The following NBAS variants were observed in gnomAD, a reference collection of about 807,000 sequenced individuals.
NBAS encodes NAG/BC035112 fusion.
In NBAS, 219 loss-of-function variants were observed where a neutral mutation model predicts 302.5. That is an observed-to-expected ratio of 0.72 (90% confidence interval 0.65 to 0.81). The LOEUF is 0.81. NBAS is among the 30% of genes least tolerant of loss of function. The pLI is 0.00. For missense variants in NBAS, 2,932 were observed against 2,841.6 expected (o/e 1.03, Z -0.72); for synonymous variants, 1,118 against 1,021.6 (o/e 1.09, Z -1.80).
chr2:15,376,366 G>A (rs766646745), intron 30 of NBAS, among the ~76,000 whole-genome samples: 3 of 152,040 alleles, frequency 2.0e-5, no homozygotes, highest in South Asian at 2.1e-4. Flanking sequence ...TAGAAGGACC[G>A]GCTTTTTAAA....
the NBAS span, among the ~76,000 whole-genome samples, chr2:15,097,001 G>A: frequency 6.6e-6 from 1 of 152,192 alleles, no homozygotes; most frequent in Non-Finnish European, 1.5e-5. Context: ...AAAGAGAAAT[G>A]CAGGAATGTG....
chr2:15,047,959 G>A, the NBAS span, among the ~76,000 whole-genome samples: 1 of 152,382 alleles, frequency 6.6e-6, no homozygotes, highest in South Asian at 2.1e-4. Context: ...TGCTTTGGCT[G>A]GTGCCTGGCT....
the NBAS span, among the ~76,000 whole-genome samples, chr2:14,896,448 T>C: frequency 6.6e-6 from 1 of 152,180 alleles, no homozygotes; most frequent in South Asian, 2.1e-4. Context: ...TTCTCCCTCC[T>C]ACGCCCCCAC....
intron 21 of NBAS, among the ~76,000 whole-genome samples, chr2:15,430,304 C>T (rs1416065811): frequency 6.6e-6 from 1 of 152,126 alleles, no homozygotes; most frequent in East Asian, 1.9e-4. Context: ...TTCACATTTG[C>T]TGCATTTTCA....
chr2:15,401,261 A>G (rs1158299173), intron 26 of NBAS, among the ~76,000 whole-genome samples: 1 of 152,204 alleles, frequency 6.6e-6, no homozygotes, highest in Admixed American at 6.5e-5. Flanking sequence ...GGTAGATTGC[A>G]AAATTGGTGA....
rs576831348 is a variant in NBAS at position 15,380,083 on chromosome 2, A to C, written c.3361-252T>G. ...AAAGAATAATTTCATTGACTAAACCAAAATTAAGCATAATATTTTAATTTA... is the reference window on the plus strand; with the variant it reads ...AAAGAATAATTTCATTGACTAAACCCAAATTAAGCATAATATTTTAATTTA... On this transcript the variant is annotated intron_variant, in intron 29 of 51. Coordinates refer to ENST00000281513, the MANE Select transcript of NBAS (RefSeq NM_015909.4). 3.9e-5 allele frequency among the ~76,000 whole-genome samples: 6 copies of C among 152,332 alleles called. No individual in the cohort carries two copies. In the South Asian group the frequency reaches 1.2e-3, roughly 32 times the overall value.
At chr2:14,802,805 C>T in the NBAS span, among the ~76,000 whole-genome samples, 3 of 140,536 alleles carry the variant, frequency 2.1e-5, no homozygotes, top group Non-Finnish European at 4.5e-5. Flanking sequence ...AACCAAACAC[C>T]ACATATTCTC....
chr2:15,349,691 C>G (rs551688847), intron 35 of NBAS, among the ~76,000 whole-genome samples: 1 of 152,116 alleles, frequency 6.6e-6, no homozygotes, highest in Admixed American at 6.5e-5. Flanking sequence ...CAGTGGTTCA[C>G]GCCTGTATTC....
At chr2:14,929,626 C>G in the NBAS span, among the ~76,000 whole-genome samples, 1 of 152,316 alleles carries the variant, frequency 6.6e-6, no homozygotes, top group Non-Finnish European at 1.5e-5. Context: ...GATCTGCCTG[C>G]CTTGGCCTCC....
chr2:14,952,322 C>A, the NBAS span, among the ~76,000 whole-genome samples: 1 of 152,348 alleles, frequency 6.6e-6, no homozygotes, highest in African/African-American at 2.4e-5. Flanking sequence ...TTCCTCCTGT[C>A]TTTTTTCTTT....
chr2:14,918,311 G>T, the NBAS span, among the ~76,000 whole-genome samples: 2 of 77,284 alleles, frequency 2.6e-5, no homozygotes, highest in African/African-American at 9.1e-5. Flanking sequence ...AGAAATCCAT[G>T]CAAAAAAAAA....
chr2:14,794,290 T>C, the NBAS span, among the ~76,000 whole-genome samples: 2 of 152,232 alleles, frequency 1.3e-5, no homozygotes, highest in Non-Finnish European at 2.9e-5. Flanking sequence ...CCTAAAATGA[T>C]TGAGATTTAG....
chr2:15,135,422 T>C, the NBAS span, among the ~76,000 whole-genome samples: 2 of 152,166 alleles, frequency 1.3e-5, no homozygotes, highest in Admixed American at 6.6e-5. Context: ...GGCTCATTGG[T>C]GGCACTCAGT....
At chr2:15,060,705 G>A in the NBAS span, among the ~76,000 whole-genome samples, 1 of 152,120 alleles carries the variant, frequency 6.6e-6, no homozygotes, top group East Asian at 1.9e-4. Context: ...TCTCGTGGGT[G>A]ATTTAAAACT....
At chr2:15,097,923 T>A in the NBAS span, among the ~76,000 whole-genome samples, 1 of 53,156 alleles carries the variant, frequency 1.9e-5, no homozygotes, top group African/African-American at 7.2e-5. Flanking sequence ...TATTATATAT[T>A]ATATATATTA....
At chr2:15,491,628 T>C (rs1186791682) in intron 11 of NBAS, among the ~76,000 whole-genome samples, 1 of 151,754 alleles carries the variant, frequency 6.6e-6, no homozygotes, top group Non-Finnish European at 1.5e-5. Context: ...CCCAACTACT[T>C]GGGAGGCTGA....
At chr2:15,259,353 T>C (rs1668749517) in intron 44 of NBAS, among the ~76,000 whole-genome samples, 1 of 152,170 alleles carries the variant, frequency 6.6e-6, no homozygotes, top group Admixed American at 6.5e-5. Flanking sequence ...TGACCAAATT[T>C]TAGCAGGGCT....
chr2:15,143,007 T>C, the NBAS span, among the ~76,000 whole-genome samples: 4 of 152,338 alleles, frequency 2.6e-5, no homozygotes, highest in Non-Finnish European at 5.9e-5. Context: ...AGAAACAAAC[T>C]GGTCCGTGCA....
chr2:15,459,503 C>CTTTTTTTTTTTTTTTTTT (rs66914120), intron 21 of NBAS, among the ~76,000 whole-genome samples: 2 of 141,380 alleles, frequency 1.4e-5, no homozygotes, highest in African/African-American at 2.6e-5. Context: ...AGCATTTTTT[C>CTTTTTTTTTTTTTTTTTT]TTTTTTTTTG....
Sources: allele counts gnomAD v4.1 joint callset (sites outside exome capture counted in the v4.1 genomes callset), GRCh38; gene constraint gnomAD v4.1.1; transcripts MANE v1.5; gene names NCBI Gene and HGNC (gene_info 2026-07-23, HGNC 2026-07-21).